CNKSR3: variants seen among roughly 807,000 people sequenced by gnomAD.
CNKSR3 encodes the protein CNKSR family member 3.
CNKSR3 carries 36 observed loss-of-function variants against 67.7 expected under a neutral mutation model. The observed-to-expected ratio is 0.53, with a 90% confidence interval of 0.41 to 0.70. CNKSR3 has a LOEUF of 0.70. Ranked by LOEUF, CNKSR3 falls within the 30% of genes least tolerant of loss-of-function variation. The pLI is 0.00. For synonymous variants in CNKSR3, 281 were observed against 271.4 expected (o/e 1.04, Z -0.35); for missense variants, 630 against 695.2 (o/e 0.91, Z 1.05).
intron 7 of CNKSR3, among the ~76,000 whole-genome samples, chr6:154,427,299 C>T (rs1381456187): frequency 2.6e-5 from 4 of 152,120 alleles, no homozygotes; most frequent in African/African-American, 4.8e-5. Context: ...ATATTTCTAC[C>T]AAACAGATTA....
intron 1 of CNKSR3, among the ~76,000 whole-genome samples, chr6:154,464,721 A>AAAAAAGG (rs1786156645): frequency 6.6e-6 from 1 of 151,646 alleles, no homozygotes; most frequent in African/African-American, 2.4e-5. Context: ...TCTCAGAAAA[A>AAAAAAGG]AAAAAGGAAA....
intron 9 of CNKSR3, chr6:154,414,839 C>T (rs13219628): frequency 0.35 from 164,332 of 469,400 alleles, 30,779 homozygotes; most frequent in African/African-American, 0.45. Flanking sequence ...TTGCCTGTTA[C>T]CCCAGCACTT....
chr6:154,509,764 G>C (rs999884564), intron 1 of CNKSR3, among the ~76,000 whole-genome samples: 1 of 152,070 alleles, frequency 6.6e-6, no homozygotes, highest in Non-Finnish European at 1.5e-5. Context: ...CGGCCCGAGT[G>C]CCGAGTCCCG....
intron 2 of CNKSR3, among the ~76,000 whole-genome samples, chr6:154,443,074 T>A (rs1033407811): frequency 3.3e-5 from 5 of 152,048 alleles, no homozygotes; most frequent in African/African-American, 1.2e-4. Flanking sequence ...ATTTTTGTAT[T>A]TTTAGTAGAG....
At chr6:154,448,092 AAAGGAAATTAG>A (rs1400484656) in intron 2 of CNKSR3, among the ~76,000 whole-genome samples, 3 of 152,152 alleles carry the variant, frequency 2.0e-5, no homozygotes, top group Non-Finnish European at 4.4e-5. Context: ...CTTGGTCTAC[AAAGGAAATTAG>A]AAGGAAATTG....
intron 1 of CNKSR3, among the ~76,000 whole-genome samples, chr6:154,491,912 A>T (rs1442371009): frequency 2.0e-5 from 3 of 152,248 alleles, no homozygotes; most frequent in African/African-American, 7.2e-5. Flanking sequence ...CGCATTCAGC[A>T]TCCTGAGAAT....
intron 1 of CNKSR3, among the ~76,000 whole-genome samples, chr6:154,467,566 G>A (rs1269924319): frequency 2.6e-5 from 4 of 152,122 alleles, no homozygotes; most frequent in Non-Finnish European, 2.9e-5. Flanking sequence ...TTCGTAAGAG[G>A]TAACTCCTTG....
chr6:154,475,499 G>C (rs1335654642), intron 1 of CNKSR3, among the ~76,000 whole-genome samples: 2 of 152,198 alleles, frequency 1.3e-5, no homozygotes, highest in Non-Finnish European at 2.9e-5. Flanking sequence ...GGCATGTATA[G>C]ACAAGCTTCA....
chr6:154,410,921 A>C lies in CNKSR3; in HGVS notation c.1279+13T>G. On this transcript the variant is annotated intron_variant, in intron 11 of 12. Transcript: ENST00000607772. The stretch of plus-strand genomic sequence containing the variant: ...AGGCCAACGGCAGAACAAAACAAAC[A>C]CTTGAAACTTACCATAAGATGGTGT... The C allele has an allele frequency of 6.2e-7, 1 of 1,601,804 alleles. No homozygotes were observed. Among genetic ancestry groups the C allele is most frequent in the East Asian group, 2.2e-5 (1 of 44,718 alleles).
rs1193317063 is a variant in CNKSR3, at chr6:154,406,582, G to C, written c.1440C>G (p.Pro480=). The change falls in exon 13 of 13, where the codon CCC becomes CCG. Residue 480 remains proline, a synonymous_variant. Coordinates refer to ENST00000607772, the MANE Select transcript of CNKSR3 (RefSeq NM_173515.4). ...IPPIIEESSS[P]PYRFSRPTTE... is the part of the protein sequence containing the mutation. The stretch of plus-strand genomic sequence containing the variant: ...TCGTGGGTCTGGAGAACCGGTATGG[G>C]GGAGAGGAGCTCTCTTCAATGATCG... 1 of 1,614,210 alleles carries C rather than the reference G, an allele frequency of 6.2e-7. No homozygotes were observed. The highest frequency in any genetic ancestry group is 2.2e-5 in the East Asian group (1 of 44,872).
At chr6:154,444,854 C>G (rs541852776) in intron 2 of CNKSR3, among the ~76,000 whole-genome samples, 3 of 152,250 alleles carry the variant, frequency 2.0e-5, no homozygotes, top group Admixed American at 1.3e-4. Flanking sequence ...ATCCGCCCAC[C>G]TTGGCCTCCC....
rs10665656 is a variant in CNKSR3 at position 154,437,410 on chromosome 6, C to CTTTTTTTT, written c.507+3874_507+3881dup. Among the ~76,000 whole-genome samples the CTTTTTTTT allele has an allele frequency of 3.0e-4, 31 of 102,116 alleles. 1 individual carries two copies. The highest frequency in any genetic ancestry group is 3.4e-4 in the Non-Finnish European group (18 of 53,684). 67.0% of individuals were successfully genotyped at this position (102,116 alleles called of 152,430 possible). ...CACCATTTGGCAAAGCACCTATGTT[C>CTTTTTTTT]TTTTTTTTTTTTTTTTTTTTTGAGA... is the stretch of plus-strand genomic sequence containing the variant. On this transcript the variant is annotated intron_variant, in intron 4 of 12. Coordinates refer to ENST00000607772, the MANE Select transcript of CNKSR3 (RefSeq NM_173515.4).
intron 12 of CNKSR3, among the ~76,000 whole-genome samples, chr6:154,408,977 C>T (rs1214870941): frequency 6.6e-6 from 1 of 152,174 alleles, no homozygotes. Flanking sequence ...AACCCTGGCT[C>T]AGATGAACGG....
chr6:154,475,342 C>T (rs1786422683), intron 1 of CNKSR3, among the ~76,000 whole-genome samples: 1 of 152,114 alleles, frequency 6.6e-6, no homozygotes, highest in African/African-American at 2.4e-5. Flanking sequence ...GGGCGCCCTT[C>T]CCTCCCCTTC....
chr6:154,479,672 G>T (rs1421975275), intron 1 of CNKSR3, among the ~76,000 whole-genome samples: 1 of 152,160 alleles, frequency 6.6e-6, no homozygotes, highest in South Asian at 2.1e-4. Flanking sequence ...AACACAGAAC[G>T]AAAATTATGG....
chr6:154,422,529 G>A lies in CNKSR3; in HGVS notation c.922C>T (p.Arg308Trp), dbSNP rs1223415726. Reference sequence around the variant, plus strand: ...ACCTGTACAAGAGGTGGCTTCCACCGTAGGTTTTTCAGGGGAGCAGGAGTA... The same window carrying A: ...ACCTGTACAAGAGGTGGCTTCCACCATAGGTTTTTCAGGGGAGCAGGAGTA... Reference protein sequence around the residue: ...NFTPAPLKNLRWKPPLVQTSP... With the variant: ...NFTPAPLKNLWWKPPLVQTSP... Residue 308 changes from arginine (R) to tryptophan (W), a missense_variant, in exon 9 of 13, where the codon CGG (arginine) becomes TGG (tryptophan). Transcript: ENST00000607772. 12 of 1,614,008 alleles carry A rather than the reference G, an allele frequency of 7.4e-6. No individual in the cohort carries two copies. The highest frequency in any genetic ancestry group is 2.2e-5 in the East Asian group (1 of 44,886).
intron 12 of CNKSR3, among the ~76,000 whole-genome samples, chr6:154,408,531 T>C (rs1584049280): frequency 6.6e-6 from 1 of 152,188 alleles, no homozygotes; most frequent in Non-Finnish European, 1.5e-5. Flanking sequence ...AAAGTGCCCA[T>C]TGTCAAAAAG....
chr6:154,479,733 T>A (rs908331875), intron 1 of CNKSR3, among the ~76,000 whole-genome samples: 12 of 152,236 alleles, frequency 7.9e-5, no homozygotes, highest in East Asian at 5.8e-4. Context: ...ATGGCTCTTT[T>A]AAAAAAAATA....
rs1305122716 is a variant in CNKSR3, at chr6:154,395,847, A to G, written c.*10507T>C. 6.6e-6 allele frequency: 1 copy of G among 152,282 alleles called. No homozygotes were observed. The highest frequency in any genetic ancestry group is 2.4e-5 in the African/African-American group (1 of 41,420). 9.4% of individuals were successfully genotyped at this position (152,282 alleles called of 1,614,324 possible). A position where few individuals can be genotyped will look rare whatever the true frequency, so the allele number is the denominator to read the frequency against. The stretch of plus-strand genomic sequence containing the variant: ...CCTCTCAGGCTCAAGAGATCCTCCC[A>G]TCTCAGCCTCCTGAGTAGCTGGGAC... On this transcript the variant is annotated 3_prime_UTR_variant, in exon 13 of 13. Coordinates refer to ENST00000607772, the MANE Select transcript of CNKSR3 (RefSeq NM_173515.4).
Sources: allele counts gnomAD v4.1 joint callset (sites outside exome capture counted in the v4.1 genomes callset), GRCh38; gene constraint gnomAD v4.1.1; transcripts MANE v1.5; gene names NCBI Gene and HGNC (gene_info 2026-07-23, HGNC 2026-07-21).